PTPRD: variants seen among roughly 807,000 people sequenced by gnomAD.
The protein encoded by PTPRD is receptor-type tyrosine-protein phosphatase delta.
A neutral mutation model predicts 214.5 loss-of-function variants in PTPRD; 34 were observed. The ratio of observed to expected loss-of-function variants is 0.16; its 90% CI spans 0.12 to 0.21. PTPRD has a LOEUF of 0.21. Ranked by LOEUF, PTPRD falls within the 10% of genes least tolerant of loss-of-function variation. The probability of loss-of-function intolerance (pLI) is 1.00; values close to 1 mark genes in which losing one functional copy is unlikely to be tolerated. For synonymous variants in PTPRD, 1,128 were observed against 845.7 expected (o/e 1.33, Z -5.79); for missense variants, 2,545 against 2,398.7 (o/e 1.06, Z -1.27).
At chr9:9,208,268 C>G (rs573831542) in intron 9 of PTPRD, among the ~76,000 whole-genome samples, 2 of 151,796 alleles carry the variant, frequency 1.3e-5, no homozygotes, top group South Asian at 4.2e-4. Flanking sequence ...CCCGCCTCGG[C>G]CTCCCAAAGT....
intron 14 of PTPRD, among the ~76,000 whole-genome samples, chr9:8,622,697 T>C (rs1286644503): frequency 6.6e-6 from 1 of 151,970 alleles, no homozygotes; most frequent in Non-Finnish European, 1.5e-5. Flanking sequence ...TAATACAAAT[T>C]GCTTCTCATA....
chr9:9,121,361 G>T (rs142309715), intron 10 of PTPRD, among the ~76,000 whole-genome samples: 22 of 152,214 alleles, frequency 1.4e-4, no homozygotes, highest in Non-Finnish European at 3.1e-4. Flanking sequence ...ATTCGAAAAA[G>T]ATACTTGCAC....
At chr9:9,518,720 G>A (rs746406814) in intron 8 of PTPRD, among the ~76,000 whole-genome samples, 2 of 152,006 alleles carry the variant, frequency 1.3e-5, no homozygotes, top group Non-Finnish European at 2.9e-5. Flanking sequence ...TTAATGTAAT[G>A]CATGCCAGTT....
chr9:9,186,061 T>C (rs2099931261), intron 9 of PTPRD, among the ~76,000 whole-genome samples: 1 of 152,034 alleles, frequency 6.6e-6, no homozygotes. Flanking sequence ...TTCTCCACTG[T>C]GATTAAAAAT....
At chr9:8,748,867 G>T (rs149190885) in intron 11 of PTPRD, among the ~76,000 whole-genome samples, 1 of 152,036 alleles carries the variant, frequency 6.6e-6, no homozygotes. Context: ...CCAAGATTGC[G>T]CCAGTGCACT....
At chr9:8,332,224 A>G (rs1587844598) in intron 43 of PTPRD, among the ~76,000 whole-genome samples, 1 of 152,154 alleles carries the variant, frequency 6.6e-6, no homozygotes. Flanking sequence ...AGTTGTCGCA[A>G]TAACTTCACA....
intron 33 of PTPRD, among the ~76,000 whole-genome samples, chr9:8,450,557 G>A (rs1010710098): frequency 2.0e-5 from 3 of 152,114 alleles, no homozygotes; most frequent in Admixed American, 1.3e-4. Context: ...GTAGATCAGC[G>A]CTCCTGATAA....
chr9:9,776,857 A>G (rs927451675), intron 5 of PTPRD, among the ~76,000 whole-genome samples: 2 of 152,234 alleles, frequency 1.3e-5, no homozygotes, highest in Admixed American at 1.3e-4. Context: ...AGCAAAGCCC[A>G]TTCGTTAACT....
At chr9:8,722,471 T>C (rs1284602737) in intron 12 of PTPRD, among the ~76,000 whole-genome samples, 1 of 150,230 alleles carries the variant, frequency 6.7e-6, no homozygotes, top group East Asian at 1.9e-4. Context: ...TAAATCCAAA[T>C]ATGTTAAATC....
intron 8 of PTPRD, among the ~76,000 whole-genome samples, chr9:9,420,727 C>G (rs1293199474): frequency 6.6e-6 from 1 of 151,774 alleles, no homozygotes; most frequent in African/African-American, 2.4e-5. Context: ...ACATAACCAC[C>G]AAAATAATTA....
intron 37 of PTPRD, among the ~76,000 whole-genome samples, chr9:8,381,416 C>T (rs1022544429): frequency 2.6e-5 from 4 of 152,154 alleles, no homozygotes; most frequent in Admixed American, 2.6e-4. Context: ...TGATTTTCCA[C>T]GATAAGGACA....
chr9:9,001,949 T>G (rs1361973320), intron 11 of PTPRD, among the ~76,000 whole-genome samples: 1 of 148,450 alleles, frequency 6.7e-6, no homozygotes, highest in South Asian at 2.1e-4. Flanking sequence ...CAATATGCAA[T>G]AATTGATTAC....
intron 11 of PTPRD, among the ~76,000 whole-genome samples, chr9:8,870,043 G>A (rs914260539): frequency 2.6e-5 from 4 of 151,874 alleles, no homozygotes; most frequent in African/African-American, 7.3e-5. Context: ...CATTTAGTTG[G>A]GAACCACTAG....
At chr9:9,897,475 T>C (rs116205117) in intron 5 of PTPRD, among the ~76,000 whole-genome samples, 2,461 of 152,184 alleles carry the variant, frequency 0.016, 78 homozygotes, top group African/African-American at 0.056. Context: ...AAAAAGTTTA[T>C]TCGCAATATA....
chr9:9,656,829 G>T (rs982978115), intron 7 of PTPRD, among the ~76,000 whole-genome samples: 1 of 151,988 alleles, frequency 6.6e-6, no homozygotes, highest in Non-Finnish European at 1.5e-5. Flanking sequence ...TCTGGTGGGG[G>T]ATGTTGATAG....
chr9:10,096,656 T>C (rs1314235873), intron 3 of PTPRD, among the ~76,000 whole-genome samples: 1 of 151,976 alleles, frequency 6.6e-6, no homozygotes, highest in Non-Finnish European at 1.5e-5. Context: ...GTCAGATGAG[T>C]AGGTTGCAAA....
intron 7 of PTPRD, among the ~76,000 whole-genome samples, chr9:9,704,465 A>G (rs1039343200): frequency 2.0e-5 from 3 of 152,166 alleles, no homozygotes; most frequent in Non-Finnish European, 4.4e-5. Flanking sequence ...TTCCCCATGT[A>G]TGGTGGTTGA....
intron 43 of PTPRD, among the ~76,000 whole-genome samples, chr9:8,333,277 A>C (rs1046910550): frequency 6.6e-6 from 1 of 152,146 alleles, no homozygotes; most frequent in African/African-American, 2.4e-5. Context: ...ATACAGATTT[A>C]TTCTCCTCTG....
At chr9:8,533,790 A>T (rs1461681794) in intron 14 of PTPRD, among the ~76,000 whole-genome samples, 1 of 152,030 alleles carries the variant, frequency 6.6e-6, no homozygotes, top group Non-Finnish European at 1.5e-5. Context: ...AAATACTCAC[A>T]ATTAGACATT....
Sources: gnomAD v4.1 joint callset for allele counts (sites outside exome capture counted in the v4.1 genomes callset) on GRCh38, gnomAD v4.1.1 for gene constraint, MANE v1.5 for transcripts, NCBI Gene and HGNC (gene_info 2026-07-23, HGNC 2026-07-21) for gene names.